The following NGEF variants were observed in gnomAD, a reference collection of about 807,000 sequenced individuals.
NGEF encodes the protein ephexin-1.
In NGEF, 31 loss-of-function variants were observed where a neutral mutation model predicts 80.9. That is an observed-to-expected ratio of 0.38 (90% confidence interval 0.29 to 0.52). The LOEUF (loss-of-function observed/expected upper bound fraction) is 0.52, where lower values mean the gene tolerates loss of function less well. NGEF is among the 20% of genes least tolerant of loss of function. NGEF has a pLI of 0.84. For missense variants in NGEF, 709 were observed against 926.2 expected (o/e 0.77, Z 3.04); for synonymous variants, 371 against 370.2 (o/e 1.00, Z -0.03).
At chr2:232,994,458 A>G (rs1355971683) in intron 1 of NGEF, among the ~76,000 whole-genome samples, 1 of 152,216 alleles carries the variant, frequency 6.6e-6, no homozygotes. Flanking sequence ...AAAAATGTCA[A>G]CTTAAGCCTT....
chr2:232,892,799 G>A lies in NGEF; in HGVS notation c.1142+99C>T. ...GGACCTTGGGAACGCAGAGGTAAAG[G>A]ACCATGAAGTGTCACCGTGTAAGGA... On this transcript the variant is annotated intron_variant, in intron 7 of 14. Transcript: ENST00000264051. The surrounding 1 kb of genome is among the most constrained non-coding windows in gnomAD (Gnocchi z 4.0). 1 of 1,327,928 alleles carries A rather than the reference G, an allele frequency of 7.5e-7. No homozygotes were observed. The highest frequency in any genetic ancestry group is 1.1e-6 in the Non-Finnish European group (1 of 951,694). 82.3% of individuals were successfully genotyped at this position (1,327,928 alleles called of 1,614,324 possible).
chr2:232,985,745 TGTCC>T (rs1394654833), intron 1 of NGEF, among the ~76,000 whole-genome samples: 1 of 151,760 alleles, frequency 6.6e-6, no homozygotes, highest in Non-Finnish European at 1.5e-5. Flanking sequence ...AGAGACACTC[TGTCC>T]GTCTCAAAAC....
intron 5 of NGEF, among the ~76,000 whole-genome samples, chr2:232,919,311 A>G (rs1292660507): frequency 6.6e-6 from 1 of 152,092 alleles, no homozygotes; most frequent in Non-Finnish European, 1.5e-5. Flanking sequence ...AGCTGCCACA[A>G]GAAACAAGGA....
At position 232,927,108 on chromosome 2, in the gene NGEF, G is replaced by A. The variant is rs1575021027; in HGVS notation, c.462C>T (p.Thr154=). 3.7e-6 allele frequency: 6 copies of A among 1,613,436 alleles called. No homozygotes were observed. The highest frequency in any genetic ancestry group is 1.7e-5 in the Admixed American group (1 of 59,978). Residue 154 remains threonine, a synonymous_variant, in exon 4 of 15, where the codon ACC becomes ACT. Coordinates refer to ENST00000264051, the MANE Select transcript of NGEF (RefSeq NM_019850.3). The part of the protein sequence containing the change: ...PALADSPTTL[T]EALRMIHPIP... ...TGGGGTGGATCATCCGCAGGGCCTC[G>A]GTGAGCGTGGTGGGGCTGTCGGCCA...
chr2:232,973,420 G>A (rs1694234451), intron 2 of NGEF, among the ~76,000 whole-genome samples: 1 of 152,222 alleles, frequency 6.6e-6, no homozygotes, highest in African/African-American at 2.4e-5. Context: ...CTACCACCGT[G>A]GAGTGGTGAA....
At chr2:232,906,393 G>T (rs1176325280) in intron 5 of NGEF, among the ~76,000 whole-genome samples, 2 of 112,378 alleles carry the variant, frequency 1.8e-5, no homozygotes, top group Admixed American at 9.5e-5. Context: ...CGGGAGGGAG[G>T]TGGGGGGGTC....
At chr2:232,896,727 A>G (rs1244033467) in intron 5 of NGEF, among the ~76,000 whole-genome samples, 10 of 8,398 alleles carry the variant, frequency 1.2e-3, no homozygotes, top group Non-Finnish European at 1.2e-3. Context: ...TGAGTGCAAA[A>G]GTAGGGGTGA....
intron 3 of NGEF, among the ~76,000 whole-genome samples, chr2:232,955,028 C>T (rs367857587): frequency 9.9e-5 from 15 of 152,118 alleles, no homozygotes; most frequent in African/African-American, 3.4e-4. Flanking sequence ...CATATTCTAA[C>T]TCTCCCCAAC....
chr2:232,902,133 T>A (rs184267689), intron 5 of NGEF, among the ~76,000 whole-genome samples: 10 of 152,286 alleles, frequency 6.6e-5, no homozygotes, highest in Admixed American at 6.5e-4. Context: ...CGCCCTGGGG[T>A]GATTCACATC....
intron 1 of NGEF, among the ~76,000 whole-genome samples, chr2:232,979,827 G>C (rs1230412985): frequency 6.6e-6 from 1 of 151,838 alleles, no homozygotes; most frequent in Non-Finnish European, 1.5e-5. Flanking sequence ...TCCTGATGCC[G>C]GCCACACAAC....
intron 5 of NGEF, among the ~76,000 whole-genome samples, chr2:232,907,697 A>T (rs987302778): frequency 6.6e-6 from 1 of 152,236 alleles, no homozygotes; most frequent in Non-Finnish European, 1.5e-5. Context: ...AGTAAAAAAA[A>T]AATCTTTATT....
chr2:232,893,184 G>T, intron 6 of NGEF, 134 bp from the exon 7 acceptor site: 1 of 828,982 alleles, frequency 1.2e-6, no homozygotes, highest in Non-Finnish European at 1.8e-6. Context: ...AGGCCGACAA[G>T]ATCCATCGGC....
chr2:232,889,651 C>T (rs1691812427), intron 8 of NGEF, among the ~76,000 whole-genome samples: 1 of 152,182 alleles, frequency 6.6e-6, no homozygotes, highest in South Asian at 2.1e-4. Flanking sequence ...AAAATATTTC[C>T]CACGGAACTG....
chr2:232,994,993 T>C (rs575434489), intron 1 of NGEF, among the ~76,000 whole-genome samples: 3 of 90,928 alleles, frequency 3.3e-5, no homozygotes, highest in South Asian at 5.4e-4. Flanking sequence ...TATGTATAAC[T>C]ACACATATAT....
At chr2:232,918,644 T>G (rs2106274291) in intron 5 of NGEF, among the ~76,000 whole-genome samples, 1 of 150,814 alleles carries the variant, frequency 6.6e-6, no homozygotes, top group Non-Finnish European at 1.5e-5. Context: ...TTTTTTTTTT[T>G]TTTTTTTTTA....
rs761478001 is a variant in NGEF at position 232,892,864 on chromosome 2, C to G, written c.1142+34G>C. ...TGGTATGGCTGCCCCGGGCACCTCCCCCTGCCCCTGAGCCCCTTGCCGGAT... is the reference window on the plus strand; with the variant it reads ...TGGTATGGCTGCCCCGGGCACCTCCGCCTGCCCCTGAGCCCCTTGCCGGAT... On this transcript the variant is annotated intron_variant, in intron 7 of 14. Coordinates refer to ENST00000264051, the MANE Select transcript of NGEF (RefSeq NM_019850.3). This position sits in a 1 kb window ranked among gnomAD's most constrained non-coding sequence, Gnocchi z 4.0. The G allele has an allele frequency of 6.2e-7, 1 of 1,605,316 alleles. No individual in the cohort carries two copies. The highest frequency in any genetic ancestry group is 8.5e-7 in the Non-Finnish European group (1 of 1,174,564).
chr2:232,894,950 A>G (rs1341749922), intron 5 of NGEF, 34 bp from the exon 6 acceptor site: 1 of 1,531,938 alleles, frequency 6.5e-7, no homozygotes, highest in South Asian at 1.2e-5. Context: ...TACCGCCTGA[A>G]GTTGGCCTTC....
intron 5 of NGEF, among the ~76,000 whole-genome samples, chr2:232,895,564 C>T (rs528585287): frequency 4.0e-5 from 6 of 151,780 alleles, no homozygotes; most frequent in African/African-American, 1.2e-4. Flanking sequence ...CACCTGAGCC[C>T]GCACAGCTGC....
chr2:232,972,334 G>A (rs943855128), intron 2 of NGEF, among the ~76,000 whole-genome samples: 2 of 152,156 alleles, frequency 1.3e-5, no homozygotes, highest in Non-Finnish European at 2.9e-5. Context: ...TTAACTACAG[G>A]ATAAAATGGT....
Sources: gnomAD v4.1 joint callset for allele counts (sites outside exome capture counted in the v4.1 genomes callset) on GRCh38, gnomAD v4.1.1 for gene constraint, Gnocchi (gnomAD v3.1) non-coding constraint, MANE v1.5 for transcripts, NCBI Gene and HGNC (gene_info 2026-07-23, HGNC 2026-07-21) for gene names.